CNTNAP2: variants seen among roughly 807,000 people sequenced by gnomAD.
CNTNAP2 encodes contactin-associated protein-like 2.
A neutral mutation model predicts 155.2 loss-of-function variants in CNTNAP2; 98 were observed. The ratio of observed to expected loss-of-function variants is 0.63; its 90% CI spans 0.54 to 0.75. The LOEUF (loss-of-function observed/expected upper bound fraction) is 0.75, where lower values mean the gene tolerates loss of function less well. Ranked by LOEUF, CNTNAP2 falls within the 30% of genes least tolerant of loss-of-function variation. The pLI is 0.00. For missense variants in CNTNAP2, 1,727 were observed against 1,688.1 expected (o/e 1.02, Z -0.40); for synonymous variants, 651 against 631.2 (o/e 1.03, Z -0.47).
chr7:147,701,448 T>A lies in CNTNAP2; in HGVS notation c.2098+62142T>A, dbSNP rs1796235039. Among the ~76,000 whole-genome samples the A allele has an allele frequency of 2.0e-5, 3 of 152,206 alleles. No homozygotes were observed. The East Asian group carries it at 5.8e-4, about 29-fold the overall frequency. On this transcript the variant is annotated intron_variant, in intron 13 of 23. Transcript: ENST00000361727. ...ATAAAAGCCATAAAAATAAGTCAAC[T>A]GCTAAGAGATATTTCAATTTTTTTA...
At chr7:147,515,904 T>A (rs926190364) in intron 11 of CNTNAP2, among the ~76,000 whole-genome samples, 1 of 152,208 alleles carries the variant, frequency 6.6e-6, no homozygotes, top group African/African-American at 2.4e-5. Context: ...GATTTTTCAG[T>A]TGGAAAATAT....
intron 14 of CNTNAP2, among the ~76,000 whole-genome samples, chr7:147,956,370 A>G (rs1801017007): frequency 1.3e-5 from 2 of 152,038 alleles, no homozygotes; most frequent in Admixed American, 6.6e-5. Flanking sequence ...CCATGTTTAA[A>G]TGAGCTAGGA....
chr7:147,595,627 G>A (rs1054594111), intron 12 of CNTNAP2, among the ~76,000 whole-genome samples: 1 of 152,144 alleles, frequency 6.6e-6, no homozygotes, highest in African/African-American at 2.4e-5. Context: ...AATAACTTAC[G>A]GCCGTATCTC....
intron 1 of CNTNAP2, among the ~76,000 whole-genome samples, chr7:146,374,390 G>A (rs1270408692): frequency 6.6e-6 from 1 of 152,132 alleles, no homozygotes; most frequent in African/African-American, 2.4e-5. Flanking sequence ...TATCCTTGCT[G>A]TTAAAAGATC....
intron 13 of CNTNAP2, among the ~76,000 whole-genome samples, chr7:147,770,256 C>G (rs1797449159): frequency 6.6e-6 from 1 of 152,232 alleles, no homozygotes. Flanking sequence ...CTATAGTCTA[C>G]ACTACTATAG....
At chr7:147,733,713 T>G (rs969383171) in intron 13 of CNTNAP2, among the ~76,000 whole-genome samples, 1 of 152,190 alleles carries the variant, frequency 6.6e-6, no homozygotes, top group Non-Finnish European at 1.5e-5. Flanking sequence ...GGTTTGTAGT[T>G]CTCCTTGAAG....
chr7:147,723,763 A>G (rs1209866913), intron 13 of CNTNAP2, among the ~76,000 whole-genome samples: 2 of 152,034 alleles, frequency 1.3e-5, no homozygotes, highest in African/African-American at 4.8e-5. Context: ...TTGACACACA[A>G]TAATTATACA....
At chr7:148,306,160 A>G (rs539959204) in intron 21 of CNTNAP2, among the ~76,000 whole-genome samples, 46 of 152,342 alleles carry the variant, frequency 3.0e-4, no homozygotes, top group African/African-American at 1.0e-3. Context: ...TATTGTCAAT[A>G]GTATTGCTCT....
intron 1 of CNTNAP2, among the ~76,000 whole-genome samples, chr7:146,429,245 A>AT (rs1021324327): frequency 1.3e-4 from 16 of 126,472 alleles, no homozygotes; most frequent in South Asian, 6.8e-4. Flanking sequence ...ATTTTAAAAT[A>AT]TTTTTTTTTC....
intron 1 of CNTNAP2, among the ~76,000 whole-genome samples, chr7:146,550,401 GTTTTTTTTTTTT>G (rs10673467): frequency 3.7e-5 from 2 of 54,384 alleles, no homozygotes; most frequent in Non-Finnish European, 6.6e-5. Context: ...CCATTAATCT[GTTTTTTTTTTTT>G]TTTTTTTTTT....
chr7:146,308,740 C>T (rs929034636), intron 1 of CNTNAP2, among the ~76,000 whole-genome samples: 1 of 152,090 alleles, frequency 6.6e-6, no homozygotes, highest in Non-Finnish European at 1.5e-5. Context: ...GAAAACCAAA[C>T]ACCACATGTT....
intron 1 of CNTNAP2, among the ~76,000 whole-genome samples, chr7:146,710,950 A>C (rs1236130085): frequency 3.3e-5 from 5 of 151,976 alleles, no homozygotes; most frequent in Non-Finnish European, 7.4e-5. Flanking sequence ...GACAGAGGGA[A>C]AGTTGAGGCA....
At position 148,172,413 on chromosome 7, in the gene CNTNAP2, A is replaced by C. The variant is rs752419100; in HGVS notation, c.2945A>C (p.Glu982Ala). Reference sequence around the variant, plus strand: ...TGTGAAAATGGAGGCAAATGCCTAGAGAGATACCACGGTTACTCCTGCGAT... The same window carrying C: ...TGTGAAAATGGAGGCAAATGCCTAGCGAGATACCACGGTTACTCCTGCGAT... ...TNCENGGKCL[E>A]RYHGYSCDCS... is the part of the protein sequence containing the mutation. The change falls in exon 18 of 24, where the codon GAG (glutamate) becomes GCG (alanine). Residue 982 changes from glutamate to alanine, a missense_variant. Physicochemically the swap from Glu to Ala is moderately radical, Grantham distance 107. Transcript: ENST00000361727. 8 of 1,614,076 alleles carry C rather than the reference A, an allele frequency of 5.0e-6. No individual in the cohort carries two copies. Among genetic ancestry groups the C allele is most frequent in the Non-Finnish European group, 4.2e-6 (5 of 1,180,048 alleles).
intron 13 of CNTNAP2, among the ~76,000 whole-genome samples, chr7:147,666,878 T>A (rs1269793709): frequency 6.6e-6 from 1 of 152,076 alleles, no homozygotes; most frequent in Non-Finnish European, 1.5e-5. Flanking sequence ...TCTCAAAGAA[T>A]GAGAACAAAA....
intron 4 of CNTNAP2, among the ~76,000 whole-genome samples, chr7:147,092,960 C>T (rs181539010): frequency 6.5e-4 from 99 of 152,028 alleles, no homozygotes; most frequent in Non-Finnish European, 1.2e-3. Context: ...CGGTGGCTCA[C>T]GCCTGTAATC....
intron 13 of CNTNAP2, among the ~76,000 whole-genome samples, chr7:147,639,619 A>T (rs1005708724): frequency 3.3e-5 from 5 of 152,206 alleles, no homozygotes; most frequent in African/African-American, 1.2e-4. Context: ...GTGAACATTC[A>T]AGCAATTCCC....
At chr7:146,877,204 A>G (rs1795446310) in intron 3 of CNTNAP2, among the ~76,000 whole-genome samples, 1 of 152,110 alleles carries the variant, frequency 6.6e-6, no homozygotes, top group African/African-American at 2.4e-5. Context: ...TTCGACCATT[A>G]AAAACATAGG....
rs188409011 is a variant in CNTNAP2 at position 148,311,986 on chromosome 7, C to T, written c.3475+44860C>T. Among the ~76,000 whole-genome samples, 15 of 152,228 alleles carry T rather than the reference C, an allele frequency of 9.9e-5. No individual in the cohort carries two copies. In the East Asian group the frequency reaches 2.9e-3, roughly 29 times the overall value. On this transcript the variant is annotated intron_variant, in intron 21 of 23. Transcript: ENST00000361727. ...TGGGAGATTCAACAAAGAGTGAGTA[C>T]ACCTGAAGGAGCCGGGGAGCAGAAA...
chr7:146,645,460 G>A (rs1466591290), intron 1 of CNTNAP2, among the ~76,000 whole-genome samples: 1 of 152,080 alleles, frequency 6.6e-6, no homozygotes, highest in Non-Finnish European at 1.5e-5. Context: ...GTGGAGAAGG[G>A]TTTCTATCCC....
Sources: gnomAD v4.1 joint callset for allele counts (sites outside exome capture counted in the v4.1 genomes callset) on GRCh38, gnomAD v4.1.1 for gene constraint, MANE v1.5 for transcripts, NCBI Gene and HGNC (gene_info 2026-07-23, HGNC 2026-07-21) for gene names.